Variants in ADAMTS2 observed in about 807,000 individuals in gnomAD.
ADAMTS2 encodes A disintegrin and metalloproteinase with thrombospondin motifs 2.
ADAMTS2 carries 50 observed loss-of-function variants against 123.0 expected under a neutral mutation model. The observed-to-expected ratio is 0.41, with a 90% CI of 0.32 to 0.51. The LOEUF (loss-of-function observed/expected upper bound fraction) is 0.51, where lower values mean the gene tolerates loss of function less well. Among genes scored for constraint, ADAMTS2 ranks in the 20% least tolerant of loss-of-function variants. ADAMTS2 has a pLI of 0.35. For missense variants in ADAMTS2, 1,494 were observed against 1,705.2 expected (o/e 0.88, Z 2.18); for synonymous variants, 678 against 695.4 (o/e 0.98, Z 0.39).
chr5:179,227,024 C>T (rs1431020141), intron 3 of ADAMTS2, among the ~76,000 whole-genome samples: 1 of 152,064 alleles, frequency 6.6e-6, no homozygotes, highest in Non-Finnish European at 1.5e-5. Context: ...CTACAGTGTG[C>T]AGGAAAAAGT....
intron 3 of ADAMTS2, among the ~76,000 whole-genome samples, chr5:179,246,811 G>C (rs565705076): frequency 2.0e-5 from 3 of 152,202 alleles, no homozygotes; most frequent in African/African-American, 7.2e-5. Context: ...TAACAAAACA[G>C]AGACTTTGGT....
intron 2 of ADAMTS2, among the ~76,000 whole-genome samples, chr5:179,306,752 T>C (rs571297560): frequency 6.6e-6 from 1 of 152,238 alleles, no homozygotes; most frequent in East Asian, 1.9e-4. Flanking sequence ...TCCAGCCTCA[T>C]GAAGCTTTGA....
chr5:179,158,768 C>T lies in ADAMTS2; in HGVS notation c.1087G>A (p.Ala363Thr), dbSNP rs1336113069. Residue 363 changes from alanine to threonine, a missense_variant, in exon 6 of 22, where the codon GCC becomes ACC. Ala to Thr is a moderately conservative substitution (Grantham distance 58, BLOSUM62 0). Transcript: ENST00000251582. This position sits in a 1 kb window ranked among gnomAD's most constrained non-coding sequence, Gnocchi z 5.0. The stretch of plus-strand genomic sequence containing the variant: ...AAGTCCTGCCGTGTGAGGAAGATGG[C>T]GTGATCGTGGTATTCATCGTGGCCC... ...DTGHDEYHDH[A>T]IFLTRQDFGP... 7.4e-6 allele frequency: 12 copies of T among 1,614,070 alleles called. No individual in the cohort carries two copies. Among genetic ancestry groups the T allele is most frequent in the South Asian group, 2.2e-5 (2 of 91,090 alleles).
chr5:179,313,223 C>CAT (rs1581266514), intron 2 of ADAMTS2, among the ~76,000 whole-genome samples: 19 of 146,006 alleles, frequency 1.3e-4, no homozygotes, highest in African/African-American at 2.3e-4. Flanking sequence ...CACACACACA[C>CAT]CGAGACAGAG....
At chr5:179,287,603 CG>C (rs34845628) in intron 2 of ADAMTS2, among the ~76,000 whole-genome samples, 42,460 of 152,200 alleles carry the variant, frequency 0.28, 7,086 homozygotes, top group Non-Finnish European at 0.36. Context: ...TGTTGGAAGA[CG>C]GGGTATGCAA....
intron 2 of ADAMTS2, among the ~76,000 whole-genome samples, chr5:179,299,772 C>CT (rs1756459828): frequency 6.6e-6 from 1 of 151,996 alleles, no homozygotes; most frequent in Non-Finnish European, 1.5e-5. Flanking sequence ...TGACCCCTCT[C>CT]TGACTCTGAA....
chr5:179,246,242 AAAAG>A (rs1240869930), intron 3 of ADAMTS2, among the ~76,000 whole-genome samples: 6 of 152,192 alleles, frequency 3.9e-5, no homozygotes, highest in African/African-American at 1.4e-4. Context: ...TTGAAAACTC[AAAAG>A]AAAGAAATAT....
rs181471248 is a variant in ADAMTS2 at position 179,334,144 on chromosome 5, G to A, written c.534+9623C>T. ...AGAACCCACAGATGAAAGTGGAAATGCCCCCACACATGGCCCAAAGGGCTT... is the reference window on the plus strand; with the variant it reads ...AGAACCCACAGATGAAAGTGGAAATACCCCCACACATGGCCCAAAGGGCTT... On this transcript the variant is annotated intron_variant, in intron 2 of 21. Coordinates refer to ENST00000251582, the MANE Select transcript of ADAMTS2 (RefSeq NM_014244.5). 5.2e-3 allele frequency among the ~76,000 whole-genome samples: 789 copies of A among 152,256 alleles called. 15 individuals are homozygous for A. The highest frequency in any genetic ancestry group is 4.5e-3 in the Non-Finnish European group (309 of 68,008).
intron 4 of ADAMTS2, among the ~76,000 whole-genome samples, chr5:179,194,790 C>T (rs1458993625): frequency 6.6e-6 from 1 of 152,094 alleles, no homozygotes; most frequent in East Asian, 1.9e-4. Flanking sequence ...TTGCACAGGG[C>T]CAGCACGTGC....
intron 2 of ADAMTS2, among the ~76,000 whole-genome samples, chr5:179,299,629 G>A (rs1432039714): frequency 1.3e-5 from 2 of 151,218 alleles, no homozygotes; most frequent in Non-Finnish European, 2.9e-5. Flanking sequence ...ATCAAGGTGT[G>A]GGGAGGGCTG....
chr5:179,253,248 G>T (rs1239709379), intron 3 of ADAMTS2, among the ~76,000 whole-genome samples: 17 of 152,122 alleles, frequency 1.1e-4, no homozygotes, highest in Non-Finnish European at 4.4e-5. Flanking sequence ...CATTTACCTG[G>T]ATTATTGATA....
intron 3 of ADAMTS2, among the ~76,000 whole-genome samples, chr5:179,208,162 C>T (rs12657332): frequency 0.36 from 30,809 of 85,900 alleles, 4,477 homozygotes; most frequent in East Asian, 0.62. Flanking sequence ...CCACACTGCC[C>T]GATGCTGGAG....
At position 179,192,777 on chromosome 5, in the gene ADAMTS2, C is replaced by T. The variant is rs961360078; in HGVS notation, c.892-11622G>A. Among the ~76,000 whole-genome samples the T allele has an allele frequency of 5.3e-5, 8 of 152,320 alleles. No individual in the cohort carries two copies. The South Asian group carries it at 6.2e-4, about 12-fold the overall frequency. On this transcript the variant is annotated intron_variant, in intron 4 of 21. Coordinates refer to ENST00000251582, the MANE Select transcript of ADAMTS2 (RefSeq NM_014244.5). ...TCCCACGGGGCACCCTATGCTGCCT[C>T]GGGTGCTGTCCCATCCTGGTAACTT...
chr5:179,286,237 A>C (rs1756016110), intron 2 of ADAMTS2, among the ~76,000 whole-genome samples: 1 of 150,726 alleles, frequency 6.6e-6, no homozygotes, highest in African/African-American at 2.4e-5. Context: ...AAAAAAAAAA[A>C]AAGACCCTGT....
rs980471330 is a variant in ADAMTS2 at position 179,197,987 on chromosome 5, T to C, written c.891+9526A>G. Among the ~76,000 whole-genome samples the C allele has an allele frequency of 5.3e-5, 8 of 152,116 alleles. No homozygotes were observed. The highest frequency in any genetic ancestry group is 1.9e-4 in the African/African-American group (8 of 41,430). On this transcript the variant is annotated intron_variant, in intron 4 of 21. Transcript: ENST00000251582. This position sits in a 1 kb window ranked among gnomAD's most constrained non-coding sequence, Gnocchi z 4.2. ...AGCCCAGGCGCTGGCAGAGCAAGTT[T>C]TTGAAAATGTGAGAAATACCAAAGC...
chr5:179,173,686 G>A (rs1763871480), intron 5 of ADAMTS2, among the ~76,000 whole-genome samples: 1 of 152,136 alleles, frequency 6.6e-6, no homozygotes, highest in East Asian at 1.9e-4. Flanking sequence ...GAATGTCTGG[G>A]GTCACAGAAA....
At chr5:179,340,182 C>G (rs934339755) in intron 2 of ADAMTS2, among the ~76,000 whole-genome samples, 1 of 152,250 alleles carries the variant, frequency 6.6e-6, no homozygotes, top group Non-Finnish European at 1.5e-5. Flanking sequence ...AGGATTGGAC[C>G]AGGCCTTGGA....
chr5:179,246,256 T>C (rs2113460875), intron 3 of ADAMTS2, among the ~76,000 whole-genome samples: 1 of 152,304 alleles, frequency 6.6e-6, no homozygotes. Flanking sequence ...GAAAGAAATA[T>C]GGACCTTATA....
intron 3 of ADAMTS2, among the ~76,000 whole-genome samples, chr5:179,226,929 T>C (rs187480507): frequency 1.3e-5 from 2 of 152,326 alleles, no homozygotes; most frequent in African/African-American, 4.8e-5. Context: ...GCAGGAGGAA[T>C]GGGCAGGTCT....
Sources: allele counts gnomAD v4.1 joint callset (sites outside exome capture counted in the v4.1 genomes callset), GRCh38; gene constraint gnomAD v4.1.1; non-coding constraint Gnocchi (gnomAD v3.1); transcripts MANE v1.5; gene names NCBI Gene and HGNC (gene_info 2026-07-23, HGNC 2026-07-21).